Variants in ADAMTS17 observed in about 807,000 individuals in gnomAD.
The protein encoded by ADAMTS17 is ADAM metallopeptidase with thrombospondin type 1 motif 17.
Under a neutral mutation model 141.5 loss-of-function variants are expected in ADAMTS17, and 113 were observed. The observed-to-expected ratio is 0.80, with a 90% confidence interval of 0.69 to 0.93. The LOEUF is 0.93. Ranked by LOEUF, ADAMTS17 falls within the 40% of genes least tolerant of loss-of-function variation. The pLI, the probability that ADAMTS17 is intolerant of heterozygous loss-of-function variation, is 0.00. For missense variants in ADAMTS17, 1,659 were observed against 1,517.9 expected (o/e 1.09, Z -1.54); for synonymous variants, 768 against 630.6 (o/e 1.22, Z -3.27).
chr15:100,040,598 G>A lies in ADAMTS17; in HGVS notation c.2591+8259C>T, dbSNP rs533777576. ...ACATGCAAAGCATTTCCCAACAGGA[G>A]AAATCCTGTCACCTGTGAACCTGGT... On this transcript the variant is annotated intron_variant, in intron 18 of 21. Transcript: ENST00000268070. 2.7e-5 allele frequency among the ~76,000 whole-genome samples: 4 copies of A among 150,846 alleles called. No homozygotes were observed. In the South Asian group the frequency reaches 6.3e-4, roughly 24 times the overall value.
At chr15:100,010,857 C>T (rs2061152583) in intron 18 of ADAMTS17, among the ~76,000 whole-genome samples, 1 of 152,196 alleles carries the variant, frequency 6.6e-6, no homozygotes, top group Non-Finnish European at 1.5e-5. Context: ...TTCCATGCAG[C>T]CTTTCTCCAT....
intron 7 of ADAMTS17, among the ~76,000 whole-genome samples, chr15:100,213,850 C>A (rs1442547177): frequency 2.6e-5 from 4 of 152,226 alleles, no homozygotes; most frequent in Admixed American, 2.6e-4. Context: ...GCCATCTGGC[C>A]CCGTCCCAGC....
At chr15:100,089,992 TAA>T (rs71676052) in intron 15 of ADAMTS17, among the ~76,000 whole-genome samples, 6,942 of 136,348 alleles carry the variant, frequency 0.051, 508 homozygotes, top group African/African-American at 0.16. Flanking sequence ...ATAATAAAAT[TAA>T]AAAAAAAAAA....
chr15:100,015,229 CCTTTA>C (rs2061264425), intron 18 of ADAMTS17, among the ~76,000 whole-genome samples: 2 of 152,092 alleles, frequency 1.3e-5, no homozygotes, highest in Admixed American at 6.6e-5. Context: ...TTTTTCCACC[CCTTTA>C]CTTTAGTTTA....
At chr15:100,236,177 T>G (rs2042647232) in intron 7 of ADAMTS17, among the ~76,000 whole-genome samples, 1 of 152,042 alleles carries the variant, frequency 6.6e-6, no homozygotes, top group South Asian at 2.1e-4. Context: ...TCATCACTGC[T>G]TTTTGTAAAA....
chr15:100,141,523 A>C (rs2038652766), intron 10 of ADAMTS17, among the ~76,000 whole-genome samples: 1 of 152,208 alleles, frequency 6.6e-6, no homozygotes, highest in South Asian at 2.1e-4. Context: ...TGACTCATCC[A>C]AATTTTCCAC....
At chr15:100,194,549 G>A (rs574859550) in intron 8 of ADAMTS17, among the ~76,000 whole-genome samples, 13 of 152,216 alleles carry the variant, frequency 8.5e-5, no homozygotes, top group African/African-American at 2.9e-4. Flanking sequence ...TTTTATTTTT[G>A]CTTTTTCTCA....
chr15:100,341,162 C>T lies in ADAMTS17; in HGVS notation c.327G>A (p.Val109=). 4 of 1,462,762 alleles carry T rather than the reference C, an allele frequency of 2.7e-6. No individual in the cohort carries two copies. Among genetic ancestry groups the T allele is most frequent in the Non-Finnish European group, 3.6e-6 (4 of 1,112,306 alleles). The allele number at this position is 1,462,762 out of a possible 1,614,324, so 90.6% of individuals were successfully genotyped here. Residue 109 remains valine (V), a synonymous_variant, in exon 2 of 22, where the codon GTG becomes GTA. Coordinates refer to ENST00000268070, the MANE Select transcript of ADAMTS17 (RefSeq NM_139057.4). The stretch of plus-strand genomic sequence containing the variant: ...GGCGCCGGGCCGCGCCCGCCTCCTC[C>T]ACCTCGAAGCCTCGGGACAGGAAGC... The part of the protein sequence containing the change: ...DLRFLSRGFE[V]EEAGAARRRG...
At chr15:100,291,529 G>A (rs2044624112) in intron 3 of ADAMTS17, among the ~76,000 whole-genome samples, 1 of 152,134 alleles carries the variant, frequency 6.6e-6, no homozygotes, top group Non-Finnish European at 1.5e-5. Context: ...CTAACAGGAT[G>A]ACCCATGCAC....
chr15:100,178,733 C>T (rs371056754), intron 8 of ADAMTS17, among the ~76,000 whole-genome samples: 50 of 152,174 alleles, frequency 3.3e-4, no homozygotes, highest in African/African-American at 1.2e-3. Flanking sequence ...TTTAAGGGTC[C>T]GTTTACTAGC....
intron 10 of ADAMTS17, among the ~76,000 whole-genome samples, chr15:100,144,144 T>C (rs989850102): frequency 2.0e-5 from 3 of 152,246 alleles, no homozygotes; most frequent in African/African-American, 7.2e-5. Flanking sequence ...TATGCGTTTG[T>C]CAACACATAA....
chr15:100,133,212 A>AC lies in ADAMTS17; in HGVS notation c.1575+1dup. The AC allele has an allele frequency of 6.3e-7, 1 of 1,585,286 alleles. No individual in the cohort carries two copies. Among genetic ancestry groups the AC allele is most frequent in the Non-Finnish European group, 8.6e-7 (1 of 1,163,940 alleles). On this transcript the variant is annotated splice_donor_variant, in intron 11 of 21. Transcript: ENST00000268070. LOFTEE classifies it high-confidence loss of function. ...TGGGGGCAGTGGGAAGTCAGAGGTT[A>AC]CCTTGTCTGCCCCACACTCGGTGCC...
At chr15:100,325,767 C>T (rs552345198) in intron 3 of ADAMTS17, among the ~76,000 whole-genome samples, 20 of 152,294 alleles carry the variant, frequency 1.3e-4, no homozygotes, top group East Asian at 9.6e-4. Flanking sequence ...TTTATGTAGA[C>T]GCTGCAGAAC....
chr15:100,061,037 G>A (rs942857228), intron 15 of ADAMTS17, among the ~76,000 whole-genome samples: 6 of 152,136 alleles, frequency 3.9e-5, no homozygotes, highest in Admixed American at 3.9e-4. Flanking sequence ...GCAGGAAGCC[G>A]GCTCCAACCT....
chr15:100,286,956 G>T (rs142860513), intron 3 of ADAMTS17, among the ~76,000 whole-genome samples: 1 of 152,210 alleles, frequency 6.6e-6, no homozygotes, highest in Non-Finnish European at 1.5e-5. Context: ...TTGCAAGGCC[G>T]AAGTGGGCGG....
intron 7 of ADAMTS17, among the ~76,000 whole-genome samples, chr15:100,251,271 T>C (rs115535138): frequency 6.6e-6 from 1 of 152,148 alleles, no homozygotes; most frequent in Non-Finnish European, 1.5e-5. Context: ...GTGAGACGCA[T>C]GCACCTGGGA....
At chr15:100,276,833 T>C (rs1339354364) in intron 4 of ADAMTS17, among the ~76,000 whole-genome samples, 2 of 152,116 alleles carry the variant, frequency 1.3e-5, no homozygotes, top group Non-Finnish European at 2.9e-5. Context: ...AGCCCTTTTC[T>C]AAAACAGCCG....
intron 18 of ADAMTS17, among the ~76,000 whole-genome samples, chr15:100,028,835 T>G (rs2029873696): frequency 6.6e-6 from 1 of 152,250 alleles, no homozygotes; most frequent in African/African-American, 2.4e-5. Flanking sequence ...ACCTTTACCC[T>G]CCTTCTCCTT....
chr15:100,323,558 G>C (rs1474618809), intron 3 of ADAMTS17, among the ~76,000 whole-genome samples: 1 of 151,892 alleles, frequency 6.6e-6, no homozygotes, highest in Non-Finnish European at 1.5e-5. Flanking sequence ...TACTGAGCTA[G>C]GTATTCTACT....
Sources: allele counts gnomAD v4.1 joint callset (sites outside exome capture counted in the v4.1 genomes callset), GRCh38; gene constraint gnomAD v4.1.1; transcripts MANE v1.5; gene names NCBI Gene and HGNC (gene_info 2026-07-23, HGNC 2026-07-21).